Variants in DCAKD observed in about 807,000 individuals in gnomAD.
DCAKD encodes the protein dephospho-CoA kinase domain-containing protein.
A neutral mutation model predicts 18.7 loss-of-function variants in DCAKD; 15 were observed. The ratio of observed to expected loss-of-function variants is 0.80; its 90% CI spans 0.54 to 1.24. The LOEUF (loss-of-function observed/expected upper bound fraction) is 1.24, where lower values mean the gene tolerates loss of function less well. DCAKD is among the 50% of genes most tolerant of loss of function. The probability of loss-of-function intolerance (pLI) is 0.00; values close to 1 mark genes in which losing one functional copy is unlikely to be tolerated. For missense variants in DCAKD, 301 were observed against 322.0 expected, an observed-to-expected ratio of 0.93 and a Z score of 0.50; for synonymous variants, 130 against 133.0, an observed-to-expected ratio of 0.98 and a Z score of 0.16.
At chr17:45,037,037 C>A (rs1331853386) in intron 1 of DCAKD, among the ~76,000 whole-genome samples, 2 of 152,176 alleles carry the variant, frequency 1.3e-5, no homozygotes, top group African/African-American at 4.8e-5. Flanking sequence ...CTTGGGGCAG[C>A]AGGGGACCAA....
chr17:45,040,116 G>A (rs531974529), intron 1 of DCAKD, among the ~76,000 whole-genome samples: 26 of 150,162 alleles, frequency 1.7e-4, no homozygotes, highest in Non-Finnish European at 2.8e-4. Flanking sequence ...GGCCGGGTGT[G>A]GTGGCTCATG....
At chr17:45,041,763 G>C (rs1567843166) in intron 1 of DCAKD, among the ~76,000 whole-genome samples, 1 of 151,994 alleles carries the variant, frequency 6.6e-6, no homozygotes, top group East Asian at 1.9e-4. Context: ...AGCAGGGGAG[G>C]GGTAAAACAA....
At chr17:45,053,529 C>A (rs1321609481), upstream of DCAKD, among the ~76,000 whole-genome samples, 1 of 152,160 alleles carries the variant, frequency 6.6e-6, no homozygotes, top group Non-Finnish European at 1.5e-5. Context: ...TCAAGCGATT[C>A]TCCTGCCTCA....
chr17:45,034,157 C>A, intron 3 of DCAKD, 30 bp downstream of exon 3: 1 of 1,257,612 alleles, frequency 8.0e-7, no homozygotes, highest in Non-Finnish European at 1.2e-6. Flanking sequence ...GAAGGAGGCC[C>A]CGCCCCCCGC....
At chr17:45,027,252 A>T (rs1404896125) in intron 4 of DCAKD, among the ~76,000 whole-genome samples, 4 of 152,330 alleles carry the variant, frequency 2.6e-5, no homozygotes, top group African/African-American at 9.6e-5. Flanking sequence ...GAGGTGGAAG[A>T]CTGCTTGAGC....
chr17:45,035,077 A>G, intron 1 of DCAKD, 78 bp from the exon 2 acceptor site: 1 of 590,780 alleles, frequency 1.7e-6, no homozygotes, highest in East Asian at 3.0e-5. Flanking sequence ...AAGTAAAGGG[A>G]GACAGCTTGG....
intron 4 of DCAKD, among the ~76,000 whole-genome samples, chr17:45,029,430 C>A (rs2053128629): frequency 6.6e-6 from 1 of 152,232 alleles, no homozygotes; most frequent in South Asian, 2.1e-4. Flanking sequence ...TGGGTGGCAT[C>A]CGGGAAGCTT....
At chr17:45,061,090 T>G in exon 1 of DCAKD, 1 of 1,301,578 alleles carries the variant, frequency 7.7e-7, no homozygotes, top group Non-Finnish European at 9.8e-7. Context: ...GCCCCTTCTT[T>G]CCTCAAAGCG....
chr17:45,045,880 C>T, intron 1 of DCAKD, among the ~76,000 whole-genome samples: 1 of 151,994 alleles, frequency 6.6e-6, no homozygotes, highest in Admixed American at 6.6e-5. Context: ...GGCTGGAATG[C>T]AATGGTGCGG....
At chr17:45,051,635 G>A (rs1272239949), upstream of DCAKD, 4 of 150,316 alleles carry the variant, frequency 2.7e-5, no homozygotes, top group Non-Finnish European at 4.4e-5. Flanking sequence ...GGCGAGGCGG[G>A]ACCTCGGGAG....
At chr17:45,028,917 C>T (rs1192968792) in intron 4 of DCAKD, among the ~76,000 whole-genome samples, 1 of 151,558 alleles carries the variant, frequency 6.6e-6, no homozygotes, top group African/African-American at 2.4e-5. Flanking sequence ...GTTGGCCAGG[C>T]TGGTCTCGAA....
rs551220135 is a variant in DCAKD, at chr17:45,057,890, A to G, written c.-118+2998T>C. On this transcript the variant is annotated intron_variant, in intron 1 of 4. Coordinates refer to the DCAKD transcript ENST00000310604. The stretch of plus-strand genomic sequence containing the variant: ...GCTGGGCGTGGTGGCAGGCACCTGT[A>G]ATCCCAGCTACTTGGGAGGCTGAGG... 6.0e-5 allele frequency among the ~76,000 whole-genome samples: 9 copies of G among 150,592 alleles called. No homozygotes were observed. The East Asian group carries it at 1.8e-3, about 29-fold the overall frequency.
At position 45,034,473 on chromosome 17, in the gene DCAKD, G is replaced by C. The variant is rs184085169; in HGVS notation, c.113-83C>G. 5.4e-6 allele frequency: 8 copies of C among 1,470,000 alleles called. No homozygotes were observed. The African/African-American group carries it at 8.4e-5, about 15-fold the overall frequency. 91.1% of individuals were successfully genotyped at this position (1,470,000 alleles called of 1,614,324 possible). On this transcript the variant is annotated intron_variant, in intron 2 of 4. Coordinates refer to ENST00000651974, the MANE Select transcript of DCAKD (RefSeq NM_001288655.2). Reference sequence around the variant, plus strand: ...CCTCAGTGACCAGGGGCAAAATGATGGGGGAACTCGGGTGCTTCTTTCAGG... The same window carrying C: ...CCTCAGTGACCAGGGGCAAAATGATCGGGGAACTCGGGTGCTTCTTTCAGG...
rs2053010008 is a variant in DCAKD, at chr17:45,024,426, T to G, written c.*7A>C. ...GAGGCCTGGGGCTCCCTGCCTTGAG[T>G]GCCCCACTAGGCGTAAGGCAGAAGG... On this transcript the variant is annotated 3_prime_UTR_variant, in exon 5 of 5. Coordinates refer to ENST00000651974, the MANE Select transcript of DCAKD (RefSeq NM_001288655.2). 1.9e-6 allele frequency: 3 copies of G among 1,587,932 alleles called. No homozygotes were observed. The highest frequency in any genetic ancestry group is 2.6e-6 in the Non-Finnish European group (3 of 1,160,184).
chr17:45,057,230 G>T (rs1018867530), intron 1 of DCAKD, among the ~76,000 whole-genome samples: 2 of 151,714 alleles, frequency 1.3e-5, no homozygotes, highest in Admixed American at 6.6e-5. Flanking sequence ...TTTTTTTAGA[G>T]ACAGGGTCCT....
chr17:45,056,155 C>CAAAAAAAA (rs60557987), upstream of DCAKD, among the ~76,000 whole-genome samples: 1 of 127,996 alleles, frequency 7.8e-6, no homozygotes, highest in Non-Finnish European at 1.7e-5. Context: ...AGCTCCGTCT[C>CAAAAAAAA]AAAAAAAAAA....
intron 4 of DCAKD, among the ~76,000 whole-genome samples, chr17:45,025,942 A>T: frequency 7.2e-6 from 1 of 139,688 alleles, no homozygotes. Context: ...TTTTTTTTTG[A>T]GACGGAGTCT....
upstream of DCAKD, among the ~76,000 whole-genome samples, chr17:45,052,952 T>G (rs547524941): frequency 2.0e-5 from 3 of 151,722 alleles, no homozygotes; most frequent in South Asian, 4.2e-4. Flanking sequence ...TCACCTGAGG[T>G]CAGGAGTTTG....
At chr17:45,029,089 C>T (rs2053119643) in intron 4 of DCAKD, among the ~76,000 whole-genome samples, 2 of 152,234 alleles carry the variant, frequency 1.3e-5, no homozygotes, top group African/African-American at 4.8e-5. Flanking sequence ...TCCAGGTCTT[C>T]GTGGGGTTTG....
Sources: allele counts gnomAD v4.1 joint callset (sites outside exome capture counted in the v4.1 genomes callset), GRCh38; gene constraint gnomAD v4.1.1; transcripts MANE v1.5; gene names NCBI Gene and HGNC (gene_info 2026-07-23, HGNC 2026-07-21).